KIFC3: variants seen among roughly 807,000 people sequenced by gnomAD.
KIFC3 encodes the protein kinesin-like protein KIFC3.
Under a neutral mutation model 101.8 loss-of-function variants are expected in KIFC3, and 60 were observed. The ratio of observed to expected loss-of-function variants is 0.59; its 90% CI spans 0.48 to 0.73. KIFC3 has a LOEUF of 0.73. Ranked by LOEUF, KIFC3 falls within the 30% of genes least tolerant of loss-of-function variation. The pLI is 0.00. For missense variants in KIFC3, 966 were observed against 1,137.1 expected (o/e 0.85, Z 2.16); for synonymous variants, 476 against 482.7 (o/e 0.99, Z 0.18).
intron 3 of KIFC3, 44 bp from the exon 4 acceptor site, chr16:57,772,332 C>A: frequency 6.4e-7 from 1 of 1,550,768 alleles, no homozygotes; most frequent in Non-Finnish European, 8.9e-7. Flanking sequence ...CAGTCCTCAG[C>A]TCCAGCCTAC....
intron 12 of KIFC3, 101 bp from the exon 13 acceptor site, chr16:57,762,371 C>A (rs2049966778): frequency 7.8e-7 from 1 of 1,276,428 alleles, no homozygotes; most frequent in Non-Finnish European, 1.0e-6. Context: ...CACAAGCAAG[C>A]CTCCTTGCCC....
chr16:57,782,622 A>C (rs1295419667), intron 3 of KIFC3, among the ~76,000 whole-genome samples: 1 of 152,206 alleles, frequency 6.6e-6, no homozygotes, highest in Non-Finnish European at 1.5e-5. Flanking sequence ...TCCCCTGAGA[A>C]ATTTCCAGAA....
chr16:57,784,714 G>T (rs1555616636), intron 3 of KIFC3, among the ~76,000 whole-genome samples: 1 of 152,190 alleles, frequency 6.6e-6, no homozygotes, highest in African/African-American at 2.4e-5. Context: ...TTGGGGAAGT[G>T]GGCGAGGCTC....
intron 3 of KIFC3, chr16:57,785,473 C>G (rs1279689228): frequency 7.8e-7 from 1 of 1,286,066 alleles, no homozygotes; most frequent in Admixed American, 2.3e-5. Context: ...CCTGGTTCTG[C>G]AGCTGGGTGG....
chr16:57,765,135 GA>G (rs1396835568), intron 11 of KIFC3, among the ~76,000 whole-genome samples: 15 of 146,438 alleles, frequency 1.0e-4, no homozygotes, highest in Admixed American at 9.5e-4. Flanking sequence ...TGAGAGAATG[GA>G]ATGAGTTACG....
intron 3 of KIFC3, among the ~76,000 whole-genome samples, chr16:57,787,490 G>A (rs1336553699): frequency 2.0e-5 from 3 of 152,230 alleles, no homozygotes; most frequent in African/African-American, 7.2e-5. Context: ...CCAGGAGAGT[G>A]CTTGTGGAGA....
At chr16:57,858,144 G>A (rs1046060007) in intron 1 of KIFC3, among the ~76,000 whole-genome samples, 9 of 152,076 alleles carry the variant, frequency 5.9e-5, no homozygotes, top group Non-Finnish European at 1.2e-4. Flanking sequence ...GTCTATCATT[G>A]ATGGGCATTT....
chr16:57,838,672 C>T (rs1344064081), intron 1 of KIFC3, among the ~76,000 whole-genome samples: 2 of 152,144 alleles, frequency 1.3e-5, no homozygotes, highest in African/African-American at 4.8e-5. Flanking sequence ...TTGCAGCTTC[C>T]ATTTTCCAAA....
At chr16:57,763,396 G>C (rs782572572) in intron 12 of KIFC3, among the ~76,000 whole-genome samples, 1 of 152,038 alleles carries the variant, frequency 6.6e-6, no homozygotes, top group Non-Finnish European at 1.5e-5. Flanking sequence ...AGAATCGAGG[G>C]AACAGCAGAG....
At chr16:57,856,703 G>C (rs1280738106) in intron 1 of KIFC3, among the ~76,000 whole-genome samples, 1 of 152,042 alleles carries the variant, frequency 6.6e-6, no homozygotes, top group Non-Finnish European at 1.5e-5. Context: ...GAAGGAAAGT[G>C]TGTATATAAT....
chr16:57,783,493 A>G (rs2052979352), intron 3 of KIFC3, among the ~76,000 whole-genome samples: 1 of 82,240 alleles, frequency 1.2e-5, no homozygotes, highest in Non-Finnish European at 2.4e-5. Flanking sequence ...TTTTTTTGAG[A>G]CAGAGTTTCA....
upstream of KIFC3, chr16:57,802,693 G>T: frequency 2.2e-6 from 2 of 898,576 alleles, no homozygotes; most frequent in South Asian, 1.8e-5. This position sits in a 1 kb window ranked among gnomAD's most constrained non-coding sequence, Gnocchi z 5.0. Context: ...CTCCCACTCG[G>T]TCTCTCCCGC....
Position 57,760,723 on chromosome 16 carries a change from C to T in KIFC3, c.2232+3G>A, listed in dbSNP as rs200715418. On this transcript the variant is annotated splice_donor_region_variant and intron_variant, in intron 16 of 19. Coordinates refer to ENST00000445690, the MANE Select transcript of KIFC3 (RefSeq NM_001130100.2). ...CTGGCCCGCCCTAACCCAAGGTCCT[C>T]ACCTGTACCACCATGAGGGTCTTGC... is the stretch of plus-strand genomic sequence containing the variant. 4.3e-5 allele frequency: 69 copies of T among 1,613,188 alleles called. No individual in the cohort carries two copies. In the East Asian group the frequency reaches 1.5e-3, roughly 36 times the overall value.
At chr16:57,837,332 G>A (rs1285556213) in intron 1 of KIFC3, among the ~76,000 whole-genome samples, 2 of 151,910 alleles carry the variant, frequency 1.3e-5, no homozygotes, top group Non-Finnish European at 1.5e-5. Context: ...GCCAGGCATG[G>A]TGGTGCAAGC....
At chr16:57,839,281 G>A (rs1172855307) in intron 1 of KIFC3, among the ~76,000 whole-genome samples, 1 of 152,086 alleles carries the variant, frequency 6.6e-6, no homozygotes, top group African/African-American at 2.4e-5. Context: ...ACTCAAGCTT[G>A]TAATCCCAGC....
intron 2 of KIFC3, 147 bp from the exon 3 acceptor site, chr16:57,795,288 A>C: frequency 2.2e-6 from 2 of 910,270 alleles, no homozygotes; most frequent in South Asian, 3.6e-5. Flanking sequence ...TCACACACCC[A>C]AAAAACGCCT....
At chr16:57,764,494 C>G in intron 11 of KIFC3, 2 of 514,746 alleles carry the variant, frequency 3.9e-6, no homozygotes, top group Non-Finnish European at 7.1e-6. Context: ...CCCAGCTCCT[C>G]CTGCTCTCTC....
At chr16:57,773,303 G>A (rs1437876847) in intron 3 of KIFC3, among the ~76,000 whole-genome samples, 1 of 152,230 alleles carries the variant, frequency 6.6e-6, no homozygotes, top group Non-Finnish European at 1.5e-5. Flanking sequence ...GATTACAGGG[G>A]ACAGCCAGGT....
intron 11 of KIFC3, 119 bp downstream of exon 11, chr16:57,765,340 C>T: frequency 4.8e-6 from 5 of 1,042,208 alleles, no homozygotes; most frequent in Non-Finnish European, 5.5e-6. Flanking sequence ...TGGCTCCCCA[C>T]TTCTGATTCC....
Sources: allele counts gnomAD v4.1 joint callset (sites outside exome capture counted in the v4.1 genomes callset), GRCh38; gene constraint gnomAD v4.1.1; non-coding constraint Gnocchi (gnomAD v3.1); transcripts MANE v1.5; gene names NCBI Gene and HGNC (gene_info 2026-07-23, HGNC 2026-07-21).